DOK6: variants seen among roughly 807,000 people sequenced by gnomAD.
DOK6 encodes downstream of tyrosine kinase 6.
Under a neutral mutation model 44.0 loss-of-function variants are expected in DOK6, and 22 were observed. The observed-to-expected ratio is 0.50, with a 90% CI of 0.36 to 0.71. DOK6 has a LOEUF of 0.71. Ranked by LOEUF, DOK6 falls within the 30% of genes least tolerant of loss-of-function variation. The pLI, the probability that DOK6 is intolerant of heterozygous loss-of-function variation, is 0.00. For missense variants in DOK6, 340 were observed against 416.4 expected, an observed-to-expected ratio of 0.82 and a Z score of 1.60; for synonymous variants, 166 against 145.5, an observed-to-expected ratio of 1.14 and a Z score of -1.01.
At chr18:69,542,872 C>T (rs1982306544) in intron 1 of DOK6, among the ~76,000 whole-genome samples, 1 of 151,534 alleles carries the variant, frequency 6.6e-6, no homozygotes, top group Non-Finnish European at 1.5e-5. Flanking sequence ...CTGCAAGGTG[C>T]CATGGTCTCA....
At chr18:69,734,931 C>T (rs778895147) in intron 5 of DOK6, among the ~76,000 whole-genome samples, 7 of 152,080 alleles carry the variant, frequency 4.6e-5, no homozygotes, top group Non-Finnish European at 2.9e-5. Flanking sequence ...GAGTTACAGA[C>T]AAGAAAAAGA....
At chr18:69,539,464 C>T (rs1332647524) in intron 1 of DOK6, among the ~76,000 whole-genome samples, 3 of 123,206 alleles carry the variant, frequency 2.4e-5, no homozygotes. Flanking sequence ...CATACAAAAA[C>T]AGCTTTTTTT....
At chr18:69,658,389 A>G (rs1031834032) in intron 3 of DOK6, among the ~76,000 whole-genome samples, 1 of 152,226 alleles carries the variant, frequency 6.6e-6, no homozygotes, top group African/African-American at 2.4e-5. Flanking sequence ...GGAGTCACAC[A>G]TGAGTTAATA....
intron 5 of DOK6, among the ~76,000 whole-genome samples, chr18:69,718,003 G>A (rs1313146884): frequency 1.3e-5 from 2 of 152,096 alleles, no homozygotes; most frequent in African/African-American, 4.8e-5. Flanking sequence ...TTCCTTTAAG[G>A]AGCTTAACTC....
At chr18:69,685,007 C>A (rs1207588729) in intron 4 of DOK6, among the ~76,000 whole-genome samples, 1 of 152,098 alleles carries the variant, frequency 6.6e-6, no homozygotes, top group Admixed American at 6.5e-5. Flanking sequence ...GCTCCTGTGA[C>A]TAAATCACTT....
intron 1 of DOK6, among the ~76,000 whole-genome samples, chr18:69,545,628 G>A (rs1001167861): frequency 7.3e-5 from 11 of 150,694 alleles, no homozygotes; most frequent in African/African-American, 2.7e-4. Context: ...TTGTTTTCCT[G>A]GATTATTAAT....
chr18:69,819,010 A>G (rs1406159300), intron 7 of DOK6, among the ~76,000 whole-genome samples: 1 of 152,224 alleles, frequency 6.6e-6, no homozygotes, highest in Non-Finnish European at 1.5e-5. Flanking sequence ...TTTTACATAC[A>G]TATAAAGGAG....
chr18:69,655,761 C>CAAAAAAAAAAAAAAAAAAAAAAAA (rs74175379), intron 3 of DOK6, among the ~76,000 whole-genome samples: 1 of 43,204 alleles, frequency 2.3e-5, no homozygotes, highest in African/African-American at 1.1e-4. Context: ...CCCCACCCCT[C>CAAAAAAAAAAAAAAAAAAAAAAAA]AAAAAAAAAA....
chr18:69,609,112 C>T lies in DOK6; in HGVS notation c.289+9614C>T, dbSNP rs565164955. Among the ~76,000 whole-genome samples, 5 of 152,082 alleles carry T rather than the reference C, an allele frequency of 3.3e-5. No homozygotes were observed. In the South Asian group the frequency reaches 1.0e-3, roughly 32 times the overall value. On this transcript the variant is annotated intron_variant, in intron 3 of 7. Transcript: ENST00000382713. ...GCCTAGAAAAATGATTTCATGGCTA[C>T]AACAGAAAGCTCAGATAACAAAAGC...
intron 1 of DOK6, among the ~76,000 whole-genome samples, chr18:69,538,466 T>C (rs950804234): frequency 6.6e-6 from 1 of 152,114 alleles, no homozygotes; most frequent in African/African-American, 2.4e-5. Context: ...CCCTGCAGCC[T>C]TGACCTCCTG....
intron 1 of DOK6, among the ~76,000 whole-genome samples, chr18:69,495,552 G>A (rs1980859542): frequency 1.3e-5 from 2 of 152,182 alleles, no homozygotes; most frequent in Admixed American, 6.5e-5. Context: ...TCAAAGGGGA[G>A]GAAGTGCACA....
At chr18:69,693,598 C>A (rs1986317461) in intron 4 of DOK6, among the ~76,000 whole-genome samples, 1 of 152,058 alleles carries the variant, frequency 6.6e-6, no homozygotes, top group African/African-American at 2.4e-5. Context: ...GGGAAATTAT[C>A]AAGGGGTTGT....
At chr18:69,669,850 T>C (rs1428995734) in intron 3 of DOK6, among the ~76,000 whole-genome samples, 2 of 152,350 alleles carry the variant, frequency 1.3e-5, no homozygotes, top group East Asian at 1.9e-4. Context: ...ATTGCTTTCA[T>C]ACATCACATC....
At chr18:69,563,399 C>T (rs1225766789) in intron 1 of DOK6, among the ~76,000 whole-genome samples, 1 of 152,096 alleles carries the variant, frequency 6.6e-6, no homozygotes, top group South Asian at 2.1e-4. Context: ...TTGGAACCAA[C>T]CCAAATGTCC....
chr18:69,699,154 C>T (rs1367600766), intron 5 of DOK6, among the ~76,000 whole-genome samples: 5 of 152,074 alleles, frequency 3.3e-5, no homozygotes, highest in Non-Finnish European at 5.9e-5. Context: ...AAACTACAAC[C>T]AACCAAATCA....
chr18:69,481,557 C>G (rs1011330229), intron 1 of DOK6, among the ~76,000 whole-genome samples: 1 of 152,066 alleles, frequency 6.6e-6, no homozygotes, highest in African/African-American at 2.4e-5. Context: ...TGAACTCATC[C>G]TTTTTTATGG....
Position 69,516,525 on chromosome 18 carries a change from G to T in DOK6, c.67-47962G>T, listed in dbSNP as rs556388700. On this transcript the variant is annotated intron_variant, in intron 1 of 7. Transcript: ENST00000382713. ...ACACTTCATTTGCAAGAAACAATGA[G>T]ATGGTCATTAAAATGTACTAGGCAA... 1.8e-3 allele frequency among the ~76,000 whole-genome samples: 274 copies of T among 152,260 alleles called. 2 individuals are homozygous for T. The highest frequency in any genetic ancestry group is 6.3e-3 in the African/African-American group (262 of 41,548).
intron 1 of DOK6, among the ~76,000 whole-genome samples, chr18:69,499,881 C>T (rs1980999922): frequency 6.6e-6 from 1 of 152,150 alleles, no homozygotes; most frequent in African/African-American, 2.4e-5. Flanking sequence ...CTTTCCCTCA[C>T]ATTTTAATTC....
chr18:69,501,303 G>A, intron 1 of DOK6, among the ~76,000 whole-genome samples: 1 of 152,066 alleles, frequency 6.6e-6, no homozygotes, highest in East Asian at 1.9e-4. Context: ...ACTAGTTTGT[G>A]TATGTTGCTT....
Sources: gnomAD v4.1 joint callset for allele counts (sites outside exome capture counted in the v4.1 genomes callset) on GRCh38, gnomAD v4.1.1 for gene constraint, MANE v1.5 for transcripts, NCBI Gene and HGNC (gene_info 2026-07-23, HGNC 2026-07-21) for gene names.